The following KAZN variants were observed in gnomAD, a reference collection of about 807,000 sequenced individuals.
The protein encoded by KAZN is kazrin.
A neutral mutation model predicts 87.4 loss-of-function variants in KAZN; 40 were observed. The observed-to-expected ratio is 0.46, with a 90% CI of 0.36 to 0.60. The LOEUF (loss-of-function observed/expected upper bound fraction) is 0.60, where lower values mean the gene tolerates loss of function less well. Ranked by LOEUF, KAZN falls within the 20% of genes least tolerant of loss-of-function variation. The pLI is 0.00. For synonymous variants in KAZN, 466 were observed against 458.3 expected (o/e 1.02, Z -0.22); for missense variants, 898 against 1,073.9 (o/e 0.84, Z 2.29).
At chr1:15,014,772 C>T (rs1260706806) in intron 2 of KAZN, among the ~76,000 whole-genome samples, 1 of 152,112 alleles carries the variant, frequency 6.6e-6, no homozygotes, top group Non-Finnish European at 1.5e-5. Flanking sequence ...GCTTGTGGGG[C>T]TGAGGCCATC....
chr1:15,012,692 CG>C (rs1336206775), intron 2 of KAZN, among the ~76,000 whole-genome samples: 16 of 152,132 alleles, frequency 1.1e-4, no homozygotes, highest in Admixed American at 2.0e-4. Context: ...GAGGCTGAGG[CG>C]GGTGGATCAC....
chr1:14,408,647 A>G (rs1434194625), intron 2 of KAZN, among the ~76,000 whole-genome samples: 2 of 152,290 alleles, frequency 1.3e-5, no homozygotes, highest in East Asian at 1.9e-4. Flanking sequence ...CACTTACCCT[A>G]TCAGATCAAG....
Position 14,861,093 on chromosome 1 carries a change from C to A in KAZN, c.227-99591C>A, listed in dbSNP as rs183894949. On this transcript the variant is annotated intron_variant, in intron 1 of 14. Coordinates refer to ENST00000376030, the MANE Select transcript of KAZN (RefSeq NM_201628.3). Reference sequence around the variant, plus strand: ...CAGTTTTTGCCATTGAAAGTAATAGCAAAGCCGGGTGCAGTGGCTCATGCC... The same window carrying A: ...CAGTTTTTGCCATTGAAAGTAATAGAAAAGCCGGGTGCAGTGGCTCATGCC... 2.1e-3 allele frequency among the ~76,000 whole-genome samples: 320 copies of A among 152,312 alleles called. 2 individuals carry two copies. Among genetic ancestry groups the A allele is most frequent in the Middle Eastern group, 3.4e-3 (1 of 294 alleles).
chr1:13,910,997 T>C (rs1221728729), intron 1 of KAZN, among the ~76,000 whole-genome samples: 1 of 151,994 alleles, frequency 6.6e-6, no homozygotes, highest in African/African-American at 2.4e-5. Flanking sequence ...GTGCATGACA[T>C]GGGGAAGACA....
intron 1 of KAZN, among the ~76,000 whole-genome samples, chr1:14,054,959 G>A (rs374485164): frequency 6.6e-6 from 1 of 152,156 alleles, no homozygotes; most frequent in African/African-American, 2.4e-5. Context: ...TTTGGGCCAG[G>A]TAGTTCTTTG....
chr1:14,477,510 C>A (rs1426477679), intron 2 of KAZN, among the ~76,000 whole-genome samples: 1 of 151,396 alleles, frequency 6.6e-6, no homozygotes, highest in Non-Finnish European at 1.5e-5. Context: ...TTCATCAGGG[C>A]AAATTATTTG....
At chr1:14,265,716 G>A (rs947379709) in intron 2 of KAZN, among the ~76,000 whole-genome samples, 5 of 152,198 alleles carry the variant, frequency 3.3e-5, no homozygotes, top group Non-Finnish European at 5.9e-5. Flanking sequence ...AACAGATGCA[G>A]AGAATGATTA....
chr1:14,673,986 AG>A (rs1156451555), intron 1 of KAZN, among the ~76,000 whole-genome samples: 3 of 152,194 alleles, frequency 2.0e-5, no homozygotes, highest in Non-Finnish European at 2.9e-5. Context: ...TTTTTACAAA[AG>A]CTTCTCAGGT....
At chr1:14,054,952 G>T (rs1642488559) in intron 1 of KAZN, among the ~76,000 whole-genome samples, 1 of 152,274 alleles carries the variant, frequency 6.6e-6, no homozygotes. Flanking sequence ...TTGACATTTT[G>T]GGCCAGGTAG....
intron 1 of KAZN, among the ~76,000 whole-genome samples, chr1:14,105,106 A>G (rs1233941317): frequency 1.3e-5 from 2 of 152,218 alleles, no homozygotes; most frequent in African/African-American, 4.8e-5. Context: ...ACTGTATGCC[A>G]GGTTCTATGC....
chr1:14,183,536 C>A (rs1211596105), intron 2 of KAZN, among the ~76,000 whole-genome samples: 1 of 152,024 alleles, frequency 6.6e-6, no homozygotes, highest in East Asian at 1.9e-4. Context: ...TCCTGAGAGC[C>A]CTGTCTAAAC....
chr1:15,069,358 T>C (rs1234626865), intron 8 of KAZN, among the ~76,000 whole-genome samples: 1 of 152,206 alleles, frequency 6.6e-6, no homozygotes, highest in African/African-American at 2.4e-5. Flanking sequence ...ATGCGGGACA[T>C]ATGGCAAAAA....
At chr1:14,865,116 G>A (rs770688587) in intron 1 of KAZN, among the ~76,000 whole-genome samples, 3 of 152,166 alleles carry the variant, frequency 2.0e-5, no homozygotes, top group Non-Finnish European at 4.4e-5. Context: ...TGGATGCAAA[G>A]ATTCAGGCAG....
At chr1:14,232,271 GC>G (rs1275155629) in intron 2 of KAZN, among the ~76,000 whole-genome samples, 1 of 152,170 alleles carries the variant, frequency 6.6e-6, no homozygotes, top group Non-Finnish European at 1.5e-5. Context: ...GCATGTATGT[GC>G]CTATTGCAGA....
chr1:14,665,445 G>A (rs1398434211), intron 1 of KAZN, among the ~76,000 whole-genome samples: 2 of 152,130 alleles, frequency 1.3e-5, no homozygotes, highest in Admixed American at 1.3e-4. Context: ...AATGGTTTCA[G>A]TCCCCGTCAA....
intron 1 of KAZN, among the ~76,000 whole-genome samples, chr1:13,994,471 G>A (rs1431632657): frequency 6.6e-6 from 1 of 152,172 alleles, no homozygotes; most frequent in East Asian, 1.9e-4. Context: ...CTGAGACCAA[G>A]TTAGATTAAA....
intron 2 of KAZN, among the ~76,000 whole-genome samples, chr1:14,318,118 T>C (rs549396798): frequency 6.6e-6 from 1 of 152,202 alleles, no homozygotes; most frequent in East Asian, 1.9e-4. Context: ...GTATTTATCT[T>C]TTAAAGGAAC....
At chr1:14,335,143 C>T (rs58300372) in intron 2 of KAZN, among the ~76,000 whole-genome samples, 20,369 of 148,532 alleles carry the variant, frequency 0.14, 1,558 homozygotes, top group Non-Finnish European at 0.18. Flanking sequence ...TGAATGAGTT[C>T]TTGCTCTGTG....
intron 1 of KAZN, among the ~76,000 whole-genome samples, chr1:13,963,662 C>T (rs1169738676): frequency 3.3e-5 from 5 of 152,080 alleles, no homozygotes; most frequent in Non-Finnish European, 5.9e-5. Context: ...GCATCAAAGC[C>T]TAGCTCAGCC....
Sources: allele counts gnomAD v4.1 joint callset (sites outside exome capture counted in the v4.1 genomes callset), GRCh38; gene constraint gnomAD v4.1.1; transcripts MANE v1.5; gene names NCBI Gene and HGNC (gene_info 2026-07-23, HGNC 2026-07-21).